Variants in ULK2 observed in about 807,000 individuals in gnomAD.
The protein encoded by ULK2 is unc-51 like autophagy activating kinase 2.
In ULK2, 76 loss-of-function variants were observed where a neutral mutation model predicts 127.5. That is an observed-to-expected ratio of 0.60 (90% CI 0.50 to 0.72). ULK2 has a LOEUF of 0.72. Among genes scored for constraint, ULK2 ranks in the 30% least tolerant of loss-of-function variants. The probability of loss-of-function intolerance (pLI) is 0.00; values close to 1 mark genes in which losing one functional copy is unlikely to be tolerated. For missense variants in ULK2, 1,144 were observed against 1,295.9 expected, an observed-to-expected ratio of 0.88 and a Z score of 1.80; for synonymous variants, 452 against 461.9, an observed-to-expected ratio of 0.98 and a Z score of 0.28.
At chr17:19,800,135 G>C (rs557369750) in intron 16 of ULK2, among the ~76,000 whole-genome samples, 100 of 152,292 alleles carry the variant, frequency 6.6e-4, no homozygotes, top group African/African-American at 1.7e-3. Flanking sequence ...TTCCTGGCCA[G>C]CTCTTCCTCC....
chr17:19,831,780 C>G (rs2041451170), intron 10 of ULK2, among the ~76,000 whole-genome samples: 1 of 152,004 alleles, frequency 6.6e-6, no homozygotes, highest in Admixed American at 6.6e-5. Flanking sequence ...TGAGTCAAGA[C>G]TGTGCCACTG....
intron 25 of ULK2, among the ~76,000 whole-genome samples, chr17:19,780,188 G>A (rs148682479): frequency 4.1e-4 from 58 of 141,746 alleles, no homozygotes; most frequent in Non-Finnish European, 3.4e-4. Context: ...AAAAAAAAAA[G>A]AAAAAAAAAA....
intron 3 of ULK2, among the ~76,000 whole-genome samples, chr17:19,853,398 A>G (rs1055795193): frequency 2.6e-5 from 4 of 151,960 alleles, no homozygotes; most frequent in Admixed American, 1.3e-4. Context: ...TTGCCCTTCC[A>G]AAGTGCTGGG....
In ULK2 at chr17:19,774,941, AATTTCAT is replaced by A. The variant is rs2086789398; in HGVS notation, c.*1401_*1407del. On this transcript the variant is annotated 3_prime_UTR_variant, in exon 27 of 27. Coordinates refer to ENST00000395544, the MANE Select transcript of ULK2 (RefSeq NM_014683.4). ...AATAAATGTTCAAATTAACTACTGGAATTTCATACAGATAAATAAGGTAAAAATTACA... is the reference window on the plus strand; with the variant it reads ...AATAAATGTTCAAATTAACTACTGGAACAGATAAATAAGGTAAAAATTACA... 6.5e-6 allele frequency: 1 copy of A among 152,676 alleles called. No individual in the cohort carries two copies. Among genetic ancestry groups the A allele is most frequent in the Admixed American group, 6.5e-5 (1 of 15,286 alleles). 9.5% of individuals were successfully genotyped at this position (152,676 alleles called of 1,614,324 possible).
rs2086761072 is a variant in ULK2, at chr17:19,773,214, T to G, written c.*3135A>C. 1 of 152,072 alleles carries G rather than the reference T, an allele frequency of 6.6e-6. No individual in the cohort carries two copies. The highest frequency in any genetic ancestry group is 2.4e-5 in the African/African-American group (1 of 41,396). 9.4% of individuals were successfully genotyped at this position (152,072 alleles called of 1,614,324 possible). On this transcript the variant is annotated 3_prime_UTR_variant, in exon 27 of 27. Coordinates refer to ENST00000395544, the MANE Select transcript of ULK2 (RefSeq NM_014683.4). Reference sequence around the variant, plus strand: ...ATCACTTGAACCTGGGAGGCAGAGGTTGCAGTGAGCCAAGATTGCGCCAAT... The same window carrying G: ...ATCACTTGAACCTGGGAGGCAGAGGGTGCAGTGAGCCAAGATTGCGCCAAT...
In ULK2 at chr17:19,801,824, C is replaced by T. The variant is rs763929477; in HGVS notation, c.1394G>A (p.Arg465Gln). The change falls in exon 16 of 27, where the codon CGA becomes CAA. Residue 465 changes from arginine (R) to glutamine (Q), a missense_variant. Transcript: ENST00000395544. ...CCTAGAAGACCCAGTGGAGAGCCTTCGTCCAACTGTCTGTGCTGTGTCTGC... is the reference window on the plus strand; with the variant it reads ...CCTAGAAGACCCAGTGGAGAGCCTTTGTCCAACTGTCTGTGCTGTGTCTGC... ...VPADTAQTVGRRLSTGSSRPY... is the reference protein window; with the variant it reads ...VPADTAQTVGQRLSTGSSRPY... 5.6e-6 allele frequency: 9 copies of T among 1,614,112 alleles called. No homozygotes were observed. Among genetic ancestry groups the T allele is most frequent in the African/African-American group, 5.3e-5 (4 of 74,950 alleles).
intron 20 of ULK2, 140 bp from the exon 21 acceptor site, chr17:19,786,226 T>C (rs1198538904): frequency 1.5e-6 from 1 of 674,410 alleles, no homozygotes; most frequent in Non-Finnish European, 2.3e-6. Flanking sequence ...AAAGTACTTA[T>C]TGCTCTTAAA....
intron 12 of ULK2, among the ~76,000 whole-genome samples, chr17:19,823,118 G>T (rs2041200907): frequency 8.2e-6 from 1 of 122,344 alleles, no homozygotes; most frequent in Non-Finnish European, 1.6e-5. Context: ...GCCCAGGCAC[G>T]CCTGGCTATT....
chr17:19,851,326 CAAAAAAAA>C (rs554643908), intron 3 of ULK2, among the ~76,000 whole-genome samples: 6 of 41,052 alleles, frequency 1.5e-4, no homozygotes, highest in Non-Finnish European at 2.6e-4. Context: ...GACTTCCCCT[CAAAAAAAA>C]AAAAAAAAAA....
chr17:19,784,898 T>C (rs1005128289), intron 21 of ULK2, among the ~76,000 whole-genome samples: 8 of 152,196 alleles, frequency 5.3e-5, no homozygotes, highest in Middle Eastern at 3.2e-3. Flanking sequence ...AATGGTATTT[T>C]CTTATTATTC....
chr17:19,849,059 C>A (rs1366391710), intron 5 of ULK2, among the ~76,000 whole-genome samples: 3 of 152,064 alleles, frequency 2.0e-5, no homozygotes, highest in African/African-American at 4.8e-5. Context: ...AAAACTCAGT[C>A]AAGCCTTTTG....
intron 13 of ULK2, 37 bp from the exon 14 acceptor site, chr17:19,810,475 C>T (rs1225740430): frequency 7.2e-7 from 1 of 1,388,302 alleles, no homozygotes. Flanking sequence ...TCCTGTTATA[C>T]CATCTGCTTA....
intron 21 of ULK2, chr17:19,784,130 G>GT (rs1461382616): frequency 1.1e-5 from 4 of 377,408 alleles, no homozygotes; most frequent in Non-Finnish European, 1.8e-5. Context: ...ATCAGAGCTA[G>GT]TTTTTTTATA....
intron 12 of ULK2, among the ~76,000 whole-genome samples, chr17:19,820,898 T>C (rs763138991): frequency 6.6e-6 from 1 of 152,222 alleles, no homozygotes; most frequent in Non-Finnish European, 1.5e-5. Context: ...CTGAGTTACC[T>C]ACCTCTTCTC....
intron 3 of ULK2, among the ~76,000 whole-genome samples, chr17:19,859,266 C>A (rs1208070314): frequency 6.6e-6 from 1 of 152,080 alleles, no homozygotes; most frequent in Non-Finnish European, 1.5e-5. Flanking sequence ...GTAATCCCAG[C>A]ACTTTGGGAG....
intron 7 of ULK2, among the ~76,000 whole-genome samples, chr17:19,844,918 C>T (rs1005018275): frequency 2.6e-5 from 4 of 152,232 alleles, no homozygotes; most frequent in Middle Eastern, 3.4e-3. Context: ...GATCCTGTCA[C>T]GAGAGTTAAC....
intron 11 of ULK2, among the ~76,000 whole-genome samples, chr17:19,825,434 G>A (rs202104967): frequency 2.6e-5 from 4 of 152,318 alleles, no homozygotes; most frequent in African/African-American, 7.2e-5. Flanking sequence ...ATCAGGCTGG[G>A]AGCAGAGGCT....
chr17:19,845,167 G>T, intron 7 of ULK2, 137 bp downstream of exon 7: 1 of 706,464 alleles, frequency 1.4e-6, no homozygotes. Flanking sequence ...AGCATTATCA[G>T]TAATATAATT....
Position 19,789,182 on chromosome 17 carries a change from G to A in ULK2, c.2102-3096C>T, listed in dbSNP as rs577651296. ...GTCTAACCCAGGCAGTTCCAGTGGTGGTGGCCACAGGGGTGTTTGCATCAC... is the reference window on the plus strand; with the variant it reads ...GTCTAACCCAGGCAGTTCCAGTGGTAGTGGCCACAGGGGTGTTTGCATCAC... On this transcript the variant is annotated intron_variant, in intron 20 of 26. Coordinates refer to ENST00000395544, the MANE Select transcript of ULK2 (RefSeq NM_014683.4). Among the ~76,000 whole-genome samples the A allele has an allele frequency of 1.7e-3, 257 of 152,332 alleles. 2 individuals are homozygous for A. The highest frequency in any genetic ancestry group is 5.7e-3 in the African/African-American group (239 of 41,574).
Sources: allele counts gnomAD v4.1 joint callset (sites outside exome capture counted in the v4.1 genomes callset), GRCh38; gene constraint gnomAD v4.1.1; transcripts MANE v1.5; gene names NCBI Gene and HGNC (gene_info 2026-07-23, HGNC 2026-07-21).